Variants in KCP observed in about 807,000 individuals in gnomAD.
The protein encoded by KCP is kielin cysteine rich BMP regulator.
In KCP, 194 loss-of-function variants were observed where a neutral mutation model predicts 212.7. The observed-to-expected ratio is 0.91, with a 90% CI of 0.81 to 1.03. The LOEUF (loss-of-function observed/expected upper bound fraction) is 1.03. KCP is among the 50% of genes least tolerant of loss of function. The probability of loss-of-function intolerance (pLI) is 0.00; values close to 1 mark genes in which losing one functional copy is unlikely to be tolerated. For synonymous variants in KCP, 833 were observed against 865.3 expected (o/e 0.96, Z 0.65); for missense variants, 2,080 against 2,162.5 (o/e 0.96, Z 0.76).
chr7:128,887,166 G>T, intron 23 of KCP, 49 bp downstream of exon 23: 1 of 1,465,238 alleles, frequency 6.8e-7, no homozygotes. Context: ...GGCCAGAGAG[G>T]AGTATCAAGG....
Position 128,907,400 on chromosome 7 carries a change from A to G in KCP, c.273T>C (p.Pro91=). 2.0e-6 allele frequency: 3 copies of G among 1,525,708 alleles called. No homozygotes were observed. Among genetic ancestry groups the G allele is most frequent in the South Asian group, 2.4e-5 (2 of 82,940 alleles). The allele number at this position is 1,525,708 out of a possible 1,614,324, so 94.5% of individuals were successfully genotyped here. A position where few individuals can be genotyped will look rare whatever the true frequency, so the allele number is the denominator to read the frequency against. ...VRQLESCECH[P]ASPQCWGLGR... ...CCAGCCCCCAGCACTGGGGAGATGC[A>G]GGGTGGCACTCACAGGACTCCAGCT... The change falls in exon 3 of 40, where the codon CCT becomes CCC. Residue 91 remains proline (P), a synonymous_variant. Transcript: ENST00000610776.
chr7:128,879,320 C>G, intron 37 of KCP: 1 of 574,174 alleles, frequency 1.7e-6, no homozygotes, highest in Non-Finnish European at 3.1e-6. Flanking sequence ...GATTAGAAAT[C>G]GGGCTCAGAA....
In KCP at chr7:128,901,625, C is replaced by CA. The variant is rs373249414; in HGVS notation, c.831+1151dup. 7.2e-3 allele frequency among the ~76,000 whole-genome samples: 1,029 copies of CA among 142,052 alleles called. 8 individuals carry two copies. Among genetic ancestry groups the CA allele is most frequent in the African/African-American group, 0.02 (799 of 39,768 alleles). The allele number at this position is 142,052 out of a possible 152,430, so 93.2% of individuals were successfully genotyped here. On this transcript the variant is annotated intron_variant, in intron 8 of 39. Coordinates refer to ENST00000610776, the MANE Select transcript of KCP (RefSeq NM_001366122.1). ...TGGATGACAGAGCAAGACTCCGCCTCAAAAAAAAAAAACACATAAACTTGC... is the reference window on the plus strand; with the variant it reads ...TGGATGACAGAGCAAGACTCCGCCTCAAAAAAAAAAAAACACATAAACTTGC...
Position 128,892,866 on chromosome 7 carries a change from C to A in KCP, c.1420+3G>T. ...GAAAGCCAGGATCAGCCCAGGCACT[C>A]ACCAGGGGGCTGGGTGGGGTGCTGG... is the stretch of plus-strand genomic sequence containing the variant. On this transcript the variant is annotated splice_donor_region_variant and intron_variant, in intron 14 of 39. Coordinates refer to ENST00000610776, the MANE Select transcript of KCP (RefSeq NM_001366122.1). The A allele has an allele frequency of 6.4e-7, 1 of 1,550,952 alleles. No homozygotes were observed. The highest frequency in any genetic ancestry group is 8.7e-7 in the Non-Finnish European group (1 of 1,146,688).
rs1248268906 is a variant in KCP at position 128,910,677 on chromosome 7, G to A, written c.-1C>T. On this transcript the variant is annotated 5_prime_UTR_variant, in exon 1 of 40. Coordinates refer to ENST00000610776, the MANE Select transcript of KCP (RefSeq NM_001366122.1). ...GCGCAGCGGCCCCGACCCCGGCCAT[G>A]CTAGCTCCGCCTCGCTCGGCTCGCC... 8 of 1,501,318 alleles carry A rather than the reference G, an allele frequency of 5.3e-6. No individual in the cohort carries two copies. Among genetic ancestry groups the A allele is most frequent in the Middle Eastern group, 1.9e-4 (1 of 5,148 alleles). The allele number at this position is 1,501,318 out of a possible 1,614,324, so 93.0% of individuals were successfully genotyped here.
chr7:128,892,996 A>T lies in KCP; in HGVS notation c.1293T>A (p.Phe431Leu), dbSNP rs1459688679. The change falls in exon 14 of 40, where the codon TTT (phenylalanine) becomes TTA (leucine). Residue 431 changes from phenylalanine to leucine, a missense_variant. Phe to Leu is a conservative substitution (Grantham distance 22). Coordinates refer to ENST00000610776, the MANE Select transcript of KCP (RefSeq NM_001366122.1). ...CAGGCTCCCACTGGACTCCCTCAGC[A>T]AACTCCTCTCCATCCAGCTCACAGG... ...CPACELDGEEFAEGVQWEPDG... is the reference protein window; with the variant it reads ...CPACELDGEELAEGVQWEPDG... The T allele has an allele frequency of 4.0e-6, 4 of 1,012,412 alleles. No individual in the cohort carries two copies. The highest frequency in any genetic ancestry group is 6.1e-6 in the Non-Finnish European group (4 of 654,550). 62.7% of individuals were successfully genotyped at this position (1,012,412 alleles called of 1,614,324 possible). A position where few individuals can be genotyped will look rare whatever the true frequency, so the allele number is the denominator to read the frequency against.
chr7:128,890,909 G>A lies in KCP; in HGVS notation c.2160C>T (p.Cys720=), dbSNP rs973934455. 6.3e-5 allele frequency: 78 copies of A among 1,246,296 alleles called. No individual in the cohort carries two copies. Among genetic ancestry groups the A allele is most frequent in the African/African-American group, 1.4e-4 (9 of 64,054 alleles). 77.2% of individuals were successfully genotyped at this position (1,246,296 alleles called of 1,614,324 possible). A position where few individuals can be genotyped will look rare whatever the true frequency, so the allele number is the denominator to read the frequency against. The change falls in exon 20 of 40, where the codon TGC becomes TGT. Residue 720 remains cysteine (C), a synonymous_variant. Transcript: ENST00000610776. ...GGGGCACCGCCAGGGCGTTACCGTC[G>A]CAGGAGGGGCAGCAAGGCCCCTGGC... ...HPRQGPCCPS[C]DGCLYQGKEF...
chr7:128,886,222 T>C (rs1205833116), intron 26 of KCP, among the ~76,000 whole-genome samples: 7 of 152,160 alleles, frequency 4.6e-5, no homozygotes, highest in Admixed American at 3.9e-4. Context: ...TGTGAGCCGC[T>C]GCACCCAGCC....
chr7:128,879,687 C>A (rs1475825960), intron 36 of KCP, 31 bp downstream of exon 36: 2 of 1,549,268 alleles, frequency 1.3e-6, no homozygotes, highest in Admixed American at 3.9e-5. Flanking sequence ...AGCACAGGAT[C>A]CACCTTCCTC....
Position 128,891,511 on chromosome 7 carries a change from C to G in KCP, c.1818G>C (p.Glu606Asp). 1 of 1,549,894 alleles carries G rather than the reference C, an allele frequency of 6.5e-7. No homozygotes were observed. Among genetic ancestry groups the G allele is most frequent in the African/African-American group, 1.4e-5 (1 of 73,144 alleles). ...DCSGCAFGGK[E>D]YPSGADFPHP... ...GGGGGAAGTCCGCTCCGCTGGGGTA[C>G]TCTTTCCCGCCAAAGGCACAGCCTG... The change falls in exon 18 of 40, where the codon GAG becomes GAC. Residue 606 changes from glutamate (E) to aspartate (D), a missense_variant. Physicochemically the swap from Glu to Asp is conservative, Grantham distance 45 (BLOSUM62 2). Transcript: ENST00000610776.
At position 128,877,202 on chromosome 7, in the gene KCP, G is replaced by A. The variant is rs567302036; in HGVS notation, c.4728C>T (p.Cys1576=). ...HIPLGELAAH[C]VRPCVPGCQC... ...GGCAGCCGGGCACGCAGGGCCTCAC[G>A]CAGTGGGCTGCCAGCTCCCCCAGGG... The change falls in exon 40 of 40, where the codon TGC becomes TGT. Residue 1576 remains cysteine (C), a synonymous_variant. Coordinates refer to ENST00000610776, the MANE Select transcript of KCP (RefSeq NM_001366122.1). 5.2e-5 allele frequency: 77 copies of A among 1,481,800 alleles called. 1 individual carries two copies. The South Asian group carries it at 8.3e-4, about 16-fold the overall frequency. 91.8% of individuals were successfully genotyped at this position (1,481,800 alleles called of 1,614,324 possible).
intron 8 of KCP, among the ~76,000 whole-genome samples, chr7:128,898,782 T>G (rs895053928): frequency 1.3e-5 from 2 of 152,210 alleles, no homozygotes; most frequent in South Asian, 4.1e-4. Context: ...AAAATTAATC[T>G]TGTAAAAGAA....
At chr7:128,878,751 C>A in intron 37 of KCP, 29 bp from the exon 38 acceptor site, 4 of 1,538,080 alleles carry the variant, frequency 2.6e-6, no homozygotes, top group Non-Finnish European at 3.5e-6. Flanking sequence ...GACTGGGGAG[C>A]AGGGAAGGAC....
chr7:128,880,566 C>T (rs1363446927), intron 33 of KCP, 38 bp from the exon 34 acceptor site: 2 of 1,373,846 alleles, frequency 1.5e-6, no homozygotes, highest in Non-Finnish European at 1.9e-6. Flanking sequence ...GCTGCTCCTC[C>T]CACATGCCCA....
chr7:128,880,619 C>A lies in KCP; in HGVS notation c.3616G>T (p.Ala1206Ser). The change falls in exon 33 of 40, where the codon GCT becomes TCT. Residue 1206 changes from alanine (A) to serine (S), a missense_variant and splice_region_variant. By Grantham distance (99) the Ala-to-Ser change is moderately conservative. Transcript: ENST00000610776. Reference protein sequence around the residue: ...QADSCCERCQAPTQSCVHQGR... With the variant: ...QADSCCERCQSPTQSCVHQGR... ...CTCCCCCATCACCCTGGCTGCGCAC[C>A]TTGGCATCGCTCACAGCAGCTGTCA... 8.4e-7 allele frequency: 1 copy of A among 1,185,614 alleles called. No individual in the cohort carries two copies. Among genetic ancestry groups the A allele is most frequent in the African/African-American group, 1.6e-5 (1 of 63,518 alleles). 73.4% of individuals were successfully genotyped at this position (1,185,614 alleles called of 1,614,324 possible). A position where few individuals can be genotyped will look rare whatever the true frequency, so the allele number is the denominator to read the frequency against.
rs1177159549 is a variant in KCP, at chr7:128,898,800, G to A, written c.831+3977C>T. ...ATTAATCTTGTAAAAGAAATTGTGT[G>A]TGAACATATTGGTTAAAGTTAAAGG... On this transcript the variant is annotated intron_variant, in intron 8 of 39. Transcript: ENST00000610776. Among the ~76,000 whole-genome samples, 3 of 152,176 alleles carry A rather than the reference G, an allele frequency of 2.0e-5. No homozygotes were observed. The East Asian group carries it at 5.8e-4, about 29-fold the overall frequency.
chr7:128,907,986 G>A (rs1411683699), intron 2 of KCP, among the ~76,000 whole-genome samples: 1 of 151,662 alleles, frequency 6.6e-6, no homozygotes, highest in Non-Finnish European at 1.5e-5. Context: ...AAAATTAGCC[G>A]GGTATGGTGG....
intron 22 of KCP, among the ~76,000 whole-genome samples, chr7:128,888,433 CACAT>C (rs1295407335): frequency 2.0e-5 from 3 of 151,568 alleles, no homozygotes; most frequent in African/African-American, 7.3e-5. Flanking sequence ...CACATACACA[CACAT>C]ATACACACGG....
intron 8 of KCP, among the ~76,000 whole-genome samples, chr7:128,900,424 T>C (rs953275939): frequency 1.3e-5 from 2 of 152,220 alleles, no homozygotes; most frequent in Non-Finnish European, 2.9e-5. Context: ...ACAGGTTATG[T>C]AAAAATCTGG....
Sources: gnomAD v4.1 joint callset for allele counts (sites outside exome capture counted in the v4.1 genomes callset) on GRCh38, gnomAD v4.1.1 for gene constraint, MANE v1.5 for transcripts, NCBI Gene and HGNC (gene_info 2026-07-23, HGNC 2026-07-21) for gene names.